PDE3B: variants seen among roughly 807,000 people sequenced by gnomAD.
PDE3B encodes the protein phosphodiesterase 3B.
A neutral mutation model predicts 116.8 loss-of-function variants in PDE3B; 66 were observed. That is an observed-to-expected ratio of 0.56 (90% CI 0.46 to 0.69). The LOEUF (loss-of-function observed/expected upper bound fraction) is 0.69, where lower values mean the gene tolerates loss of function less well. Ranked by LOEUF, PDE3B falls within the 30% of genes least tolerant of loss-of-function variation. The pLI, the probability that PDE3B is intolerant of heterozygous loss-of-function variation, is 0.00. For synonymous variants in PDE3B, 595 were observed against 533.6 expected (o/e 1.12, Z -1.59); for missense variants, 1,384 against 1,368.1 (o/e 1.01, Z -0.18).
chr11:14,644,345 C>A lies in PDE3B; in HGVS notation c.270C>A (p.Leu90=). The A allele has an allele frequency of 6.3e-7, 1 of 1,587,352 alleles. No individual in the cohort carries two copies. Among genetic ancestry groups the A allele is most frequent in the Non-Finnish European group, 8.5e-7 (1 of 1,170,122 alleles). ...TGGGCGCCCTGGCTGCCTTTGTCCT[C>A]GCCCTGCTGCTGGGCGCGGAACCCG... ...LSLGALAAFV[L]ALLLGAEPES... The change falls in exon 1 of 16, where the codon CTC becomes CTA. Residue 90 remains leucine, a synonymous_variant. Transcript: ENST00000282096.
chr11:14,645,965 A>G (rs1427213811), intron 1 of PDE3B, among the ~76,000 whole-genome samples: 1 of 152,230 alleles, frequency 6.6e-6, no homozygotes, highest in African/African-American at 2.4e-5. Context: ...GGCTGGTGCC[A>G]TTAACCTCTA....
chr11:14,853,344 A>G (rs1847791996), intron 12 of PDE3B, among the ~76,000 whole-genome samples: 1 of 152,186 alleles, frequency 6.6e-6, no homozygotes. Flanking sequence ...TTTATTCCAT[A>G]ATACCTAGAA....
intron 1 of PDE3B, among the ~76,000 whole-genome samples, chr11:14,695,813 A>G (rs1590068499): frequency 1.3e-5 from 2 of 152,104 alleles, no homozygotes; most frequent in African/African-American, 2.4e-5. Context: ...AATGGCTTCC[A>G]GCTTCATCCA....
chr11:14,866,021 CTTGG>C (rs1464907769), intron 14 of PDE3B, among the ~76,000 whole-genome samples: 1 of 152,090 alleles, frequency 6.6e-6, no homozygotes, highest in African/African-American at 2.4e-5. Context: ...CCAATACGAC[CTTGG>C]TTGGGTAAGT....
At chr11:14,795,734 T>C (rs1205220266) in intron 4 of PDE3B, among the ~76,000 whole-genome samples, 4 of 152,138 alleles carry the variant, frequency 2.6e-5, no homozygotes, top group African/African-American at 9.7e-5. Context: ...ATTTTTCTCT[T>C]TTTTTGTTTT....
chr11:14,774,990 A>T (rs925945506), intron 2 of PDE3B: 1 of 152,102 alleles, frequency 6.6e-6, no homozygotes, highest in African/African-American at 2.4e-5. Flanking sequence ...TCTGCCTGGG[A>T]TGCTTATTTC....
rs752279863 is a variant in PDE3B at position 14,831,634 on chromosome 11, G to C, written c.1957-6G>C. 4 of 1,548,184 alleles carry C rather than the reference G, an allele frequency of 2.6e-6. No homozygotes were observed. In the South Asian group the frequency reaches 4.9e-5, roughly 19 times the overall value. On this transcript the variant is annotated splice_region_variant and splice_polypyrimidine_tract_variant and intron_variant, in intron 8 of 15. Transcript: ENST00000282096. ...AAATAAAGTTGTTGTTTCCCTGTAT[G>C]TACAGATTGAACAGGAAGTATCACT...
At chr11:14,712,814 A>T (rs1164988849) in intron 1 of PDE3B, among the ~76,000 whole-genome samples, 1 of 152,200 alleles carries the variant, frequency 6.6e-6, no homozygotes, top group African/African-American at 2.4e-5. Context: ...CTGTGGATTG[A>T]TTTAACCAAT....
chr11:14,778,878 C>T (rs1030480846), intron 2 of PDE3B, among the ~76,000 whole-genome samples: 4 of 152,080 alleles, frequency 2.6e-5, no homozygotes, highest in African/African-American at 9.7e-5. Context: ...CTTCTGTGAG[C>T]TGAAGGAGAA....
chr11:14,898,736 T>G, the PDE3B span, among the ~76,000 whole-genome samples: 1 of 152,154 alleles, frequency 6.6e-6, no homozygotes, highest in Non-Finnish European at 1.5e-5. Context: ...TTTCTTTTTT[T>G]AAGGCTGTCT....
chr11:14,691,735 A>T (rs2133807075), intron 1 of PDE3B, among the ~76,000 whole-genome samples: 1 of 152,334 alleles, frequency 6.6e-6, no homozygotes, highest in Non-Finnish European at 1.5e-5. Flanking sequence ...ATTGTCAGAT[A>T]GTAATGTGTG....
At chr11:14,812,292 GTAAGCATGTTCTGTCAC>G (rs1387289586) in intron 5 of PDE3B, among the ~76,000 whole-genome samples, 1 of 152,088 alleles carries the variant, frequency 6.6e-6, no homozygotes, top group African/African-American at 2.4e-5. Flanking sequence ...TAAAAAACAC[GTAAGCATGTTCTGTCAC>G]CACAGTGGAA....
chr11:14,741,462 CT>C (rs1167761279), intron 1 of PDE3B, among the ~76,000 whole-genome samples: 8 of 151,868 alleles, frequency 5.3e-5, no homozygotes, highest in Non-Finnish European at 1.2e-4. Context: ...ATTCTGCTAT[CT>C]TTTTTTGAGC....
intron 1 of PDE3B, among the ~76,000 whole-genome samples, chr11:14,665,898 C>G (rs1428252499): frequency 6.6e-6 from 1 of 152,120 alleles, no homozygotes; most frequent in Non-Finnish European, 1.5e-5. Flanking sequence ...CATCAAGCTA[C>G]CAATGACTTT....
At chr11:14,671,770 G>C (rs145531405) in intron 1 of PDE3B, among the ~76,000 whole-genome samples, 1 of 151,784 alleles carries the variant, frequency 6.6e-6, no homozygotes, top group Non-Finnish European at 1.5e-5. Context: ...GCTCATCCCT[G>C]TAATCCTAGC....
At chr11:14,889,966 A>C in the PDE3B span, among the ~76,000 whole-genome samples, 3 of 151,942 alleles carry the variant, frequency 2.0e-5, no homozygotes, top group South Asian at 2.1e-4. Context: ...ATCTCTACTA[A>C]AAATTACAAA....
At chr11:14,654,619 CATT>C (rs1853656124) in intron 1 of PDE3B, among the ~76,000 whole-genome samples, 2 of 152,046 alleles carry the variant, frequency 1.3e-5, no homozygotes, top group African/African-American at 4.8e-5. Flanking sequence ...TATTATAAGA[CATT>C]ATTAACAATG....
chr11:14,852,359 CTA>C (rs1847770350), intron 12 of PDE3B, among the ~76,000 whole-genome samples: 2 of 152,276 alleles, frequency 1.3e-5, no homozygotes, highest in East Asian at 1.9e-4. Flanking sequence ...CCGGCCTACT[CTA>C]TGTTTTTATT....
chr11:14,811,914 G>C (rs978617698), intron 5 of PDE3B, among the ~76,000 whole-genome samples: 1 of 152,182 alleles, frequency 6.6e-6, no homozygotes, highest in Non-Finnish European at 1.5e-5. Context: ...TTGTGAATGG[G>C]AGTTCACTCA....
Sources: gnomAD v4.1 joint callset for allele counts (sites outside exome capture counted in the v4.1 genomes callset) on GRCh38, gnomAD v4.1.1 for gene constraint, MANE v1.5 for transcripts, NCBI Gene and HGNC (gene_info 2026-07-23, HGNC 2026-07-21) for gene names.